The following NAALADL2 variants were observed in gnomAD, a reference collection of about 807,000 sequenced individuals.
NAALADL2 encodes inactive N-acetylated-alpha-linked acidic dipeptidase-like protein 2.
Under a neutral mutation model 87.2 loss-of-function variants are expected in NAALADL2, and 76 were observed. That is an observed-to-expected ratio of 0.87 (90% CI 0.72 to 1.05). The LOEUF is 1.05. Among genes scored for constraint, NAALADL2 ranks in the 50% least tolerant of loss-of-function variants. NAALADL2 has a pLI of 0.00. For missense variants in NAALADL2, 1,089 were observed against 945.8 expected (o/e 1.15, Z -1.99); for synonymous variants, 354 against 331.0 (o/e 1.07, Z -0.75).
chr3:174,505,207 A>G (rs907916314), intron 1 of NAALADL2, among the ~76,000 whole-genome samples: 10 of 152,142 alleles, frequency 6.6e-5, no homozygotes, highest in Admixed American at 3.9e-4. Context: ...TATCTCCATA[A>G]TCTCTACTTC....
intron 10 of NAALADL2, among the ~76,000 whole-genome samples, chr3:175,596,434 C>A (rs1052660499): frequency 1.3e-5 from 2 of 151,968 alleles, no homozygotes; most frequent in Non-Finnish European, 2.9e-5. Context: ...AAGGCACGTC[C>A]TTATCCATTG....
intron 9 of NAALADL2, among the ~76,000 whole-genome samples, chr3:175,571,749 A>G (rs1375989963): frequency 6.6e-6 from 1 of 152,198 alleles, no homozygotes; most frequent in African/African-American, 2.4e-5. Flanking sequence ...CTATGCCAGG[A>G]ATGTTTTTCT....
chr3:175,063,181 T>G (rs2109093088), intron 1 of NAALADL2, among the ~76,000 whole-genome samples: 1 of 152,220 alleles, frequency 6.6e-6, no homozygotes, highest in Middle Eastern at 3.4e-3. Context: ...ACAGTCTGTT[T>G]ACCTTTAAGT....
intron 9 of NAALADL2, among the ~76,000 whole-genome samples, chr3:175,488,895 A>G (rs9811791): frequency 0.89 from 135,159 of 152,258 alleles, 60,018 homozygotes; most frequent in East Asian, 0.98. Context: ...ATATAATAAA[A>G]AGCCAATCTG....
intron 9 of NAALADL2, among the ~76,000 whole-genome samples, chr3:175,566,424 G>A (rs555981725): frequency 6.6e-6 from 1 of 152,220 alleles, no homozygotes; most frequent in East Asian, 1.9e-4. Context: ...ATATCTTACA[G>A]AATATCTCAG....
chr3:175,394,254 G>A (rs1032938047), intron 5 of NAALADL2, among the ~76,000 whole-genome samples: 5 of 152,126 alleles, frequency 3.3e-5, no homozygotes, highest in African/African-American at 1.2e-4. Flanking sequence ...GTCGGTTAAT[G>A]GGCACAAATA....
intron 5 of NAALADL2, among the ~76,000 whole-genome samples, chr3:175,405,010 C>T (rs1318230973): frequency 6.6e-6 from 1 of 152,132 alleles, no homozygotes. Flanking sequence ...TTCACAAAAA[C>T]TTATTACTTA....
intron 1 of NAALADL2, among the ~76,000 whole-genome samples, chr3:175,006,669 G>T (rs1749068953): frequency 6.6e-6 from 1 of 150,944 alleles, no homozygotes; most frequent in African/African-American, 2.4e-5. Flanking sequence ...TTGTTTTTCT[G>T]CTAAGTGTAT....
intron 1 of NAALADL2, among the ~76,000 whole-genome samples, chr3:174,882,860 C>CATATGTGT (rs765325778): frequency 2.7e-5 from 3 of 111,038 alleles, no homozygotes; most frequent in African/African-American, 1.3e-4. Context: ...TGTATATATA[C>CATATGTGT]ATATGTGTAT....
At chr3:174,842,068 T>TGA in intron 3 of NAALADL2, among the ~76,000 whole-genome samples, 1 of 131,648 alleles carries the variant, frequency 7.6e-6, no homozygotes, top group South Asian at 2.5e-4. Context: ...TTTTTTTTTT[T>TGA]GAGACAGAGT....
Position 175,703,363 on chromosome 3 carries a change from T to C in NAALADL2, c.1897-33943T>C, listed in dbSNP as rs373412289. 1.5e-3 allele frequency among the ~76,000 whole-genome samples: 232 copies of C among 152,304 alleles called. 2 individuals are homozygous for C. The highest frequency in any genetic ancestry group is 5.2e-3 in the African/African-American group (218 of 41,564). On this transcript the variant is annotated intron_variant, in intron 11 of 13. Transcript: ENST00000454872. ...TATAAGTCTGACAAATTTGGCATTT[T>C]TTACTAGTCTGAGGAGAGACTGGAC...
chr3:175,559,487 A>G (rs894418355), intron 9 of NAALADL2, among the ~76,000 whole-genome samples: 21 of 152,052 alleles, frequency 1.4e-4, no homozygotes, highest in Admixed American at 8.5e-4. Flanking sequence ...TTGAAAAACA[A>G]TGCTGAACAT....
chr3:175,715,946 A>G (rs1741180437), intron 11 of NAALADL2, among the ~76,000 whole-genome samples: 1 of 151,806 alleles, frequency 6.6e-6, no homozygotes, highest in African/African-American at 2.4e-5. Flanking sequence ...TACTATCTTT[A>G]CAAATCCTTC....
intron 5 of NAALADL2, among the ~76,000 whole-genome samples, chr3:175,355,853 A>G (rs1350261400): frequency 6.6e-6 from 1 of 152,190 alleles, no homozygotes; most frequent in Non-Finnish European, 1.5e-5. Flanking sequence ...TGTAGTAGTT[A>G]CTAGAAGTGT....
chr3:175,091,464 A>C (rs1720106229), intron 1 of NAALADL2, among the ~76,000 whole-genome samples: 1 of 152,078 alleles, frequency 6.6e-6, no homozygotes, highest in Non-Finnish European at 1.5e-5. Flanking sequence ...TTTTAAAGCT[A>C]ATCTGCTACA....
chr3:175,515,204 G>C (rs1731673334), intron 9 of NAALADL2, among the ~76,000 whole-genome samples: 1 of 152,152 alleles, frequency 6.6e-6, no homozygotes, highest in Non-Finnish European at 1.5e-5. Flanking sequence ...GCAACAACTT[G>C]TTCCATTAAA....
At chr3:174,783,060 A>G (rs1436150749) in intron 3 of NAALADL2, among the ~76,000 whole-genome samples, 1 of 152,180 alleles carries the variant, frequency 6.6e-6, no homozygotes, top group African/African-American at 2.4e-5. Context: ...TTCCATTTTC[A>G]TGTAAAGATA....
At chr3:174,908,124 G>T (rs1232135105) in intron 1 of NAALADL2, among the ~76,000 whole-genome samples, 4 of 131,522 alleles carry the variant, frequency 3.0e-5, no homozygotes, top group African/African-American at 1.2e-4. Flanking sequence ...TTATGTAATT[G>T]CATGGAAAGT....
intron 11 of NAALADL2, among the ~76,000 whole-genome samples, chr3:175,656,548 G>C (rs1294830923): frequency 1.3e-5 from 2 of 152,066 alleles, no homozygotes; most frequent in African/African-American, 4.8e-5. Flanking sequence ...TACATAGTCT[G>C]ATATCCAATT....
Sources: gnomAD v4.1 joint callset for allele counts (sites outside exome capture counted in the v4.1 genomes callset) on GRCh38, gnomAD v4.1.1 for gene constraint, MANE v1.5 for transcripts, NCBI Gene and HGNC (gene_info 2026-07-23, HGNC 2026-07-21) for gene names.